Variants in EPS15L1 observed in about 807,000 individuals in gnomAD.
The protein encoded by EPS15L1 is epidermal growth factor receptor substrate 15-like 1.
EPS15L1 carries 43 observed loss-of-function variants against 117.1 expected under a neutral mutation model. The observed-to-expected ratio is 0.37, with a 90% CI of 0.29 to 0.47. The LOEUF (loss-of-function observed/expected upper bound fraction) is 0.47, where lower values mean the gene tolerates loss of function less well. Ranked by LOEUF, EPS15L1 falls within the 20% of genes least tolerant of loss-of-function variation. The pLI is 0.99. For synonymous variants in EPS15L1, 459 were observed against 470.5 expected (o/e 0.98, Z 0.32); for missense variants, 981 against 1,164.0 (o/e 0.84, Z 2.29).
intron 9 of EPS15L1, among the ~76,000 whole-genome samples, chr19:16,422,116 G>A (rs1292981417): frequency 2.0e-5 from 3 of 152,256 alleles, no homozygotes; most frequent in African/African-American, 7.2e-5. Flanking sequence ...CACCAGGGCA[G>A]ATGGAGCCAC....
At chr19:16,433,284 C>T (rs1451420516) in intron 7 of EPS15L1, among the ~76,000 whole-genome samples, 1 of 152,004 alleles carries the variant, frequency 6.6e-6, no homozygotes, top group African/African-American at 2.4e-5. Context: ...AACACCACCA[C>T]ACCTGGCTAA....
intron 1 of EPS15L1, among the ~76,000 whole-genome samples, chr19:16,463,253 A>G (rs927455648): frequency 2.0e-5 from 3 of 152,082 alleles, no homozygotes; most frequent in Non-Finnish European, 4.4e-5. Context: ...AGGCACTCCC[A>G]CTGCTGCTGT....
rs755226520 is a variant in EPS15L1 at position 16,377,130 on chromosome 19, G to C, written c.2372C>G (p.Pro791Arg). The C allele has an allele frequency of 1.6e-5, 25 of 1,603,612 alleles. No homozygotes were observed. The highest frequency in any genetic ancestry group is 2.0e-5 in the Non-Finnish European group (24 of 1,176,234). The change falls in exon 22 of 24, where the codon CCG (proline) becomes CGG (arginine). Residue 791 changes from proline (P) to arginine (R), a missense_variant. By Grantham distance (103) the Pro-to-Arg change is moderately radical. Coordinates refer to ENST00000455140, the MANE Select transcript of EPS15L1 (RefSeq NM_001258374.3). ...PKKPAPPRPK[P>R]PSGKSTPVSQ... Reference sequence around the variant, plus strand: ...GAAGAAAGCTTACTGACCGCTGGGCGGTTTAGGCCGTGGAGGAGCAGGTTT... The same window carrying C: ...GAAGAAAGCTTACTGACCGCTGGGCCGTTTAGGCCGTGGAGGAGCAGGTTT...
chr19:16,399,521 A>G (rs1005861608), intron 16 of EPS15L1, among the ~76,000 whole-genome samples: 1 of 152,168 alleles, frequency 6.6e-6, no homozygotes, highest in Non-Finnish European at 1.5e-5. Context: ...CGCCCTTTAG[A>G]GGAGTGCTGG....
chr19:16,464,746 T>TAACACTAACA (rs2093285077), intron 1 of EPS15L1, among the ~76,000 whole-genome samples: 1 of 151,950 alleles, frequency 6.6e-6, no homozygotes, highest in Admixed American at 6.6e-5. Context: ...ACACTAACAC[T>TAACACTAACA]AACACTAACA....
chr19:16,430,361 C>A (rs1020241493), intron 7 of EPS15L1, among the ~76,000 whole-genome samples: 1 of 152,182 alleles, frequency 6.6e-6, no homozygotes, highest in Non-Finnish European at 1.5e-5. Flanking sequence ...CTGGACCCTG[C>A]CCCGCCCTGT....
At chr19:16,385,030 T>C in intron 21 of EPS15L1, 99 bp downstream of exon 21, 2 of 920,770 alleles carry the variant, frequency 2.2e-6, no homozygotes, top group Non-Finnish European at 3.5e-6. Flanking sequence ...GCCGGGGAGA[T>C]ACATACGTGA....
intron 22 of EPS15L1, among the ~76,000 whole-genome samples, chr19:16,367,653 A>T (rs1310904694): frequency 6.6e-6 from 1 of 150,690 alleles, no homozygotes; most frequent in African/African-American, 2.4e-5. Context: ...CTGCTGCACT[A>T]GCGTTCTTGG....
intron 1 of EPS15L1, among the ~76,000 whole-genome samples, chr19:16,448,389 G>A (rs1005163943): frequency 3.3e-5 from 5 of 151,970 alleles, no homozygotes; most frequent in Admixed American, 1.3e-4. Flanking sequence ...AATTAGCCAG[G>A]CATGGTGGCG....
intron 7 of EPS15L1, among the ~76,000 whole-genome samples, chr19:16,433,822 G>T (rs2092952430): frequency 6.6e-6 from 1 of 152,076 alleles, no homozygotes; most frequent in South Asian, 2.1e-4. Flanking sequence ...AATTAGCTGG[G>T]CGTGGTGGCA....
intron 22 of EPS15L1, among the ~76,000 whole-genome samples, chr19:16,362,852 G>A (rs2092077955): frequency 6.6e-6 from 1 of 152,066 alleles, no homozygotes; most frequent in African/African-American, 2.4e-5. Context: ...TCTGGTGTTG[G>A]TGGCTCCAAG....
At chr19:16,359,795 AAGGCTG>A in intron 23 of EPS15L1, among the ~76,000 whole-genome samples, 1 of 152,090 alleles carries the variant, frequency 6.6e-6, no homozygotes, top group East Asian at 1.9e-4. Flanking sequence ...CCAGGAGGTC[AAGGCTG>A]CAGTGAAGCT....
At chr19:16,361,731 G>A (rs750228302) in intron 23 of EPS15L1, 48 bp downstream of exon 23, 5 of 1,555,486 alleles carry the variant, frequency 3.2e-6, no homozygotes, top group Admixed American at 2.1e-5. Context: ...CAGGGAAGCT[G>A]CAAGCGGAAG....
At chr19:16,439,087 T>A (rs1163588043) in intron 4 of EPS15L1, among the ~76,000 whole-genome samples, 1 of 151,886 alleles carries the variant, frequency 6.6e-6, no homozygotes, top group Non-Finnish European at 1.5e-5. Flanking sequence ...TTTTTTTTTT[T>A]TTATTAACTG....
chr19:16,389,024 AGATCACTT>A (rs1354012888), intron 19 of EPS15L1, among the ~76,000 whole-genome samples: 1 of 152,140 alleles, frequency 6.6e-6, no homozygotes, highest in Non-Finnish European at 1.5e-5. Context: ...CGAGGCGGGC[AGATCACTT>A]GAGTTCAGTT....
rs567510299 is a variant in EPS15L1 at position 16,430,296 on chromosome 19, T to C, written c.499-1535A>G. The stretch of plus-strand genomic sequence containing the variant: ...TCAGGGATGCTGTGGGGGTGTCTAA[T>C]GGACAGGGCAGGTGAAGAGGGCAGG... On this transcript the variant is annotated intron_variant, in intron 7 of 23. Transcript: ENST00000455140. Among the ~76,000 whole-genome samples, 6 of 152,286 alleles carry C rather than the reference T, an allele frequency of 3.9e-5. No homozygotes were observed. In the East Asian group the frequency reaches 1.2e-3, roughly 29 times the overall value.
intron 1 of EPS15L1, among the ~76,000 whole-genome samples, chr19:16,464,876 C>T (rs752544779): frequency 4.6e-4 from 70 of 151,388 alleles, no homozygotes; most frequent in Admixed American, 2.6e-3. Flanking sequence ...AAGGTCAGAT[C>T]GAGACCATCC....
chr19:16,375,492 G>A (rs910735338), intron 22 of EPS15L1, among the ~76,000 whole-genome samples: 1 of 152,020 alleles, frequency 6.6e-6, no homozygotes, highest in Non-Finnish European at 1.5e-5. Context: ...GTGTGTGTGT[G>A]TGCTTCTGCT....
In EPS15L1 at chr19:16,370,819, G is replaced by A. The variant is rs2092213374; in HGVS notation, c.2380+6303C>T. ...GACAGACCTTCCAGAGGGCTCAGAC[G>A]GAAGCTCTGAAGCTTCCTTGAACAC... is the stretch of plus-strand genomic sequence containing the variant. On this transcript the variant is annotated intron_variant, in intron 22 of 23. Transcript: ENST00000455140. This position sits in a 1 kb window ranked among gnomAD's most constrained non-coding sequence, Gnocchi z 5.2. Among the ~76,000 whole-genome samples the A allele has an allele frequency of 1.3e-5, 2 of 152,186 alleles. No individual in the cohort carries two copies. Among genetic ancestry groups the A allele is most frequent in the African/African-American group, 4.8e-5 (2 of 41,440 alleles).
Sources: allele counts gnomAD v4.1 joint callset (sites outside exome capture counted in the v4.1 genomes callset), GRCh38; gene constraint gnomAD v4.1.1; non-coding constraint Gnocchi (gnomAD v3.1); transcripts MANE v1.5; gene names NCBI Gene and HGNC (gene_info 2026-07-23, HGNC 2026-07-21).